Variants in MCTP1 observed in about 807,000 individuals in gnomAD.
The protein encoded by MCTP1 is multiple C2 and transmembrane domain containing 1, also known as multiple C2 and transmembrane domain-containing protein 1.
Under a neutral mutation model 120.6 loss-of-function variants are expected in MCTP1, and 69 were observed. That is an observed-to-expected ratio of 0.57 (90% confidence interval 0.47 to 0.70). MCTP1 has a LOEUF of 0.70. Ranked by LOEUF, MCTP1 falls within the 30% of genes least tolerant of loss-of-function variation. MCTP1 has a pLI of 0.00. For missense variants in MCTP1, 1,203 were observed against 1,248.8 expected, an observed-to-expected ratio of 0.96 and a Z score of 0.55; for synonymous variants, 529 against 493.1, an observed-to-expected ratio of 1.07 and a Z score of -0.96.
At position 94,942,342 on chromosome 5, in the gene MCTP1, A is replaced by G; in HGVS notation, c.1061+6T>C. 6.2e-7 allele frequency: 1 copy of G among 1,608,772 alleles called. No homozygotes were observed. Among genetic ancestry groups the G allele is most frequent in the Non-Finnish European group, 8.5e-7 (1 of 1,176,088 alleles). On this transcript the variant is annotated splice_donor_region_variant and intron_variant, in intron 4 of 22. Coordinates refer to ENST00000515393, the MANE Select transcript of MCTP1 (RefSeq NM_024717.7). ...GGTGGTGATATTACAGCAGTTCAAA[A>G]GTTACCTGTTTAACTCCAATTGTGT...
chr5:94,917,156 T>G (rs159349), intron 8 of MCTP1, among the ~76,000 whole-genome samples: 1 of 152,168 alleles, frequency 6.6e-6, no homozygotes, highest in South Asian at 2.1e-4. Flanking sequence ...ACATATTTAT[T>G]GAAGTGTTGC....
chr5:95,160,452 C>A (rs1054367838), intron 1 of MCTP1, among the ~76,000 whole-genome samples: 1 of 152,150 alleles, frequency 6.6e-6, no homozygotes, highest in Non-Finnish European at 1.5e-5. Context: ...ATGTTCTAGG[C>A]ACTGTTTTTG....
At chr5:95,095,574 A>G (rs984997560) in intron 1 of MCTP1, among the ~76,000 whole-genome samples, 1 of 152,136 alleles carries the variant, frequency 6.6e-6, no homozygotes, top group African/African-American at 2.4e-5. Flanking sequence ...CTGCATCCAA[A>G]CCACGCTCAA....
At chr5:94,815,038 G>T (rs1424354166) in intron 17 of MCTP1, among the ~76,000 whole-genome samples, 1 of 152,154 alleles carries the variant, frequency 6.6e-6, no homozygotes, top group Non-Finnish European at 1.5e-5. Flanking sequence ...AAATACAGCA[G>T]GAATACATGT....
intron 17 of MCTP1, among the ~76,000 whole-genome samples, chr5:94,840,975 C>T (rs1561728031): frequency 6.6e-6 from 1 of 152,154 alleles, no homozygotes; most frequent in South Asian, 2.1e-4. Flanking sequence ...CCCTTAGTGG[C>T]CACTTGGCCA....
At chr5:95,214,920 C>T (rs373755055) in intron 1 of MCTP1, among the ~76,000 whole-genome samples, 61 of 151,588 alleles carry the variant, frequency 4.0e-4, no homozygotes, top group African/African-American at 1.5e-3. Flanking sequence ...ATGTAAATGA[C>T]GAGTTAATGG....
intron 19 of MCTP1, among the ~76,000 whole-genome samples, chr5:94,766,183 G>T (rs761152328): frequency 5.3e-5 from 8 of 152,208 alleles, no homozygotes; most frequent in Non-Finnish European, 8.8e-5. Flanking sequence ...GGAGGTGGAG[G>T]TTGCAGTGAG....
intron 2 of MCTP1, among the ~76,000 whole-genome samples, chr5:94,998,490 G>C (rs951400023): frequency 6.6e-6 from 1 of 151,838 alleles, no homozygotes; most frequent in Admixed American, 6.6e-5. Context: ...GATTCTGGTA[G>C]ACCGCCTGAC....
chr5:94,874,361 T>C (rs763349940), intron 12 of MCTP1, among the ~76,000 whole-genome samples: 2 of 152,162 alleles, frequency 1.3e-5, no homozygotes, highest in Non-Finnish European at 2.9e-5. Context: ...AGATAAGCTA[T>C]GTATTCCCAT....
In MCTP1 at chr5:94,703,947, T is replaced by C. The variant is rs1443302629; in HGVS notation, c.*3549A>G. On this transcript the variant is annotated 3_prime_UTR_variant, in exon 23 of 23. Coordinates refer to ENST00000515393, the MANE Select transcript of MCTP1 (RefSeq NM_024717.7). ...ACTGCCTCTATTCAAATTGCCACTA[T>C]ATAAAAGAAACTGAGGTACCAGAGG... 1 of 149,524 alleles carries C rather than the reference T, an allele frequency of 6.7e-6. No individual in the cohort carries two copies. Among genetic ancestry groups the C allele is most frequent in the Admixed American group, 6.7e-5 (1 of 14,944 alleles). The allele number at this position is 149,524 out of a possible 1,614,324, so 9.3% of individuals were successfully genotyped here.
At chr5:94,719,426 T>C (rs1049777827) in intron 19 of MCTP1, among the ~76,000 whole-genome samples, 4 of 152,146 alleles carry the variant, frequency 2.6e-5, no homozygotes, top group Non-Finnish European at 5.9e-5. Context: ...CAACAATGCA[T>C]AAGTGATAGA....
At chr5:95,014,147 C>T (rs1339562013) in intron 2 of MCTP1, among the ~76,000 whole-genome samples, 1 of 152,014 alleles carries the variant, frequency 6.6e-6, no homozygotes, top group African/African-American at 2.4e-5. Context: ...ACTTGTAGTC[C>T]TAGCTACTCA....
At chr5:94,831,113 A>G (rs2153159348) in intron 17 of MCTP1, among the ~76,000 whole-genome samples, 1 of 152,336 alleles carries the variant, frequency 6.6e-6, no homozygotes, top group Non-Finnish European at 1.5e-5. Context: ...TAGGCTACTG[A>G]AGTGCAGGGT....
At chr5:94,984,294 C>G (rs1382447525) in intron 2 of MCTP1, among the ~76,000 whole-genome samples, 1 of 152,156 alleles carries the variant, frequency 6.6e-6, no homozygotes, top group African/African-American at 2.4e-5. Flanking sequence ...CAAGAACACA[C>G]TCCTCAGTGA....
intron 1 of MCTP1, among the ~76,000 whole-genome samples, chr5:95,233,031 T>C (rs1219212004): frequency 6.6e-6 from 1 of 152,152 alleles, no homozygotes; most frequent in African/African-American, 2.4e-5. Flanking sequence ...TTTCAACAAC[T>C]CTTTTCCAAT....
At chr5:94,715,066 G>T (rs1758585770) in intron 19 of MCTP1, among the ~76,000 whole-genome samples, 180 bp from the exon 20 acceptor site, 1 of 152,078 alleles carries the variant, frequency 6.6e-6, no homozygotes, top group Non-Finnish European at 1.5e-5. Context: ...GGAGGAAGGG[G>T]ACCCAGCATC....
intron 3 of MCTP1, among the ~76,000 whole-genome samples, chr5:94,951,384 T>C (rs761108063): frequency 3.3e-5 from 5 of 152,170 alleles, no homozygotes; most frequent in Non-Finnish European, 7.3e-5. Flanking sequence ...TTGAGGAAAT[T>C]CATATGTAAC....
At chr5:94,783,173 A>G (rs1776932783) in intron 18 of MCTP1, among the ~76,000 whole-genome samples, 2 of 152,290 alleles carry the variant, frequency 1.3e-5, no homozygotes, top group Admixed American at 1.3e-4. Flanking sequence ...ATTTAAAAAA[A>G]CACACATAGA....
At position 95,193,430 on chromosome 5, in the gene MCTP1, T is replaced by C. The variant is rs145792664; in HGVS notation, c.720+90426A>G. Among the ~76,000 whole-genome samples, 40 of 152,294 alleles carry C rather than the reference T, an allele frequency of 2.6e-4. No homozygotes were observed. The East Asian group carries it at 7.3e-3, about 28-fold the overall frequency. On this transcript the variant is annotated intron_variant, in intron 1 of 22. Transcript: ENST00000515393. Reference sequence around the variant, plus strand: ...AGCTTCATCATTCTGAGAAAACAGATTATAATCACATTAAAAAGTACAGGA... The same window carrying C: ...AGCTTCATCATTCTGAGAAAACAGACTATAATCACATTAAAAAGTACAGGA...
Sources: allele counts gnomAD v4.1 joint callset (sites outside exome capture counted in the v4.1 genomes callset), GRCh38; gene constraint gnomAD v4.1.1; transcripts MANE v1.5; gene names NCBI Gene and HGNC (gene_info 2026-07-23, HGNC 2026-07-21).